Variants in RGL1 observed in about 807,000 individuals in gnomAD.
The protein encoded by RGL1 is ral guanine nucleotide dissociation stimulator-like 1.
A neutral mutation model predicts 95.2 loss-of-function variants in RGL1; 24 were observed. That is an observed-to-expected ratio of 0.25 (90% confidence interval 0.18 to 0.35). The LOEUF (loss-of-function observed/expected upper bound fraction) is 0.35. Among genes scored for constraint, RGL1 ranks in the 10% least tolerant of loss-of-function variants. The probability of loss-of-function intolerance (pLI) is 1.00; values close to 1 mark genes in which losing one functional copy is unlikely to be tolerated. For missense variants in RGL1, 715 were observed against 936.3 expected (o/e 0.76, Z 3.08); for synonymous variants, 329 against 344.9 (o/e 0.95, Z 0.51).
intron 1 of RGL1, among the ~76,000 whole-genome samples, chr1:183,714,102 A>T (rs1201187804): frequency 6.6e-6 from 1 of 152,062 alleles, no homozygotes; most frequent in Non-Finnish European, 1.5e-5. Flanking sequence ...CTACCCAAAG[A>T]TTTTTCACGC....
chr1:183,731,455 C>A (rs10752916), intron 1 of RGL1, among the ~76,000 whole-genome samples: 67,855 of 151,660 alleles, frequency 0.45, 16,461 homozygotes, highest in East Asian at 0.8. Flanking sequence ...GTAGAAGAAA[C>A]TGACTCTCAG....
chr1:183,704,272 G>A (rs1025474367), intron 1 of RGL1, among the ~76,000 whole-genome samples: 2 of 152,210 alleles, frequency 1.3e-5, no homozygotes, highest in African/African-American at 4.8e-5. Flanking sequence ...TGTATGACAG[G>A]AGTGTTTTTT....
intron 3 of RGL1, among the ~76,000 whole-genome samples, chr1:183,856,817 GA>G (rs1489126436): frequency 6.6e-6 from 1 of 152,118 alleles, no homozygotes; most frequent in East Asian, 1.9e-4. Flanking sequence ...TTATAATATA[GA>G]AAAGAGCATT....
intron 2 of RGL1, among the ~76,000 whole-genome samples, chr1:183,792,185 T>C (rs1356650527): frequency 3.9e-5 from 6 of 151,990 alleles, no homozygotes; most frequent in African/African-American, 1.4e-4. Context: ...TTTTTGTTTG[T>C]TTTGCTTTAC....
At chr1:183,866,396 AAG>A (rs1205202712) in intron 4 of RGL1, among the ~76,000 whole-genome samples, 1 of 152,230 alleles carries the variant, frequency 6.6e-6, no homozygotes, top group Non-Finnish European at 1.5e-5. Context: ...AAAAGTGAAG[AAG>A]AATGAAGCAG....
chr1:183,898,556 A>T (rs987467576), intron 10 of RGL1, among the ~76,000 whole-genome samples: 1 of 152,226 alleles, frequency 6.6e-6, no homozygotes, highest in African/African-American at 2.4e-5. Context: ...GACAAACTCT[A>T]AATATTCTGC....
intron 2 of RGL1, among the ~76,000 whole-genome samples, chr1:183,825,786 C>A (rs1002178117): frequency 6.6e-6 from 1 of 152,130 alleles, no homozygotes; most frequent in Non-Finnish European, 1.5e-5. Context: ...ACACTCATAG[C>A]AACAAAAACT....
At chr1:183,888,601 G>C (rs1275358937) in intron 8 of RGL1, 24 bp downstream of exon 8, 1 of 1,461,462 alleles carries the variant, frequency 6.8e-7, no homozygotes, top group African/African-American at 1.4e-5. Flanking sequence ...TGTTTGCTCT[G>C]CTTTTCTTTG....
intron 1 of RGL1, among the ~76,000 whole-genome samples, chr1:183,718,573 G>A (rs1356777774): frequency 6.6e-6 from 1 of 152,188 alleles, no homozygotes; most frequent in Non-Finnish European, 1.5e-5. Context: ...GGCTGCTTAA[G>A]TTGGAATCCT....
At chr1:183,783,747 C>A (rs572864875) in intron 2 of RGL1, among the ~76,000 whole-genome samples, 98 of 152,126 alleles carry the variant, frequency 6.4e-4, no homozygotes, top group Non-Finnish European at 1.1e-3. Context: ...TAATGGAAAC[C>A]CAGCTAATGA....
Position 183,928,004 on chromosome 1 carries a change from A to G in RGL1, c.*1712A>G, listed in dbSNP as rs774873236. The G allele has an allele frequency of 2.6e-5, 4 of 152,592 alleles. No homozygotes were observed. Among genetic ancestry groups the G allele is most frequent in the Non-Finnish European group, 4.4e-5 (3 of 68,022 alleles). The allele number at this position is 152,592 out of a possible 1,614,324, so 9.5% of individuals were successfully genotyped here. On this transcript the variant is annotated 3_prime_UTR_variant, in exon 18 of 18. Transcript: ENST00000360851. ...TCCAGGAGATTGGACTACACATTGT[A>G]AAGACTGACTGGGTTTCAACTAGTC...
intron 1 of RGL1, among the ~76,000 whole-genome samples, chr1:183,650,768 A>G (rs1054638784): frequency 3.3e-5 from 5 of 151,552 alleles, no homozygotes; most frequent in African/African-American, 7.3e-5. Context: ...AACATTGTCA[A>G]ATCGCTTCCT....
intron 1 of RGL1, chr1:183,646,752 A>T (rs143577074): frequency 1.3e-5 from 2 of 152,374 alleles, no homozygotes; most frequent in East Asian, 3.9e-4. Context: ...AGGATGGTGA[A>T]GCAGGCTTTC....
intron 2 of RGL1, among the ~76,000 whole-genome samples, chr1:183,841,276 G>A (rs1664040255): frequency 6.6e-6 from 1 of 152,062 alleles, no homozygotes; most frequent in African/African-American, 2.4e-5. Context: ...TAACAAATAG[G>A]TTTTTTTAGT....
chr1:183,884,560 T>C (rs1023802022), intron 6 of RGL1, among the ~76,000 whole-genome samples, 163 bp from the exon 7 acceptor site: 7 of 152,330 alleles, frequency 4.6e-5, no homozygotes, highest in African/African-American at 1.7e-4. Flanking sequence ...AGTATATTAA[T>C]TATTTACTTT....
intron 3 of RGL1, among the ~76,000 whole-genome samples, chr1:183,856,239 T>C (rs1327803257): frequency 6.6e-6 from 1 of 151,934 alleles, no homozygotes; most frequent in Non-Finnish European, 1.5e-5. Flanking sequence ...TGTTGATGAC[T>C]TCCTAGGCAA....
intron 2 of RGL1, among the ~76,000 whole-genome samples, chr1:183,822,262 A>G (rs1234860658): frequency 6.6e-6 from 1 of 152,226 alleles, no homozygotes; most frequent in Non-Finnish European, 1.5e-5. Flanking sequence ...CTAATGCTTC[A>G]GCTTTTTCTC....
intron 1 of RGL1, among the ~76,000 whole-genome samples, chr1:183,698,697 A>G (rs950097607): frequency 6.6e-6 from 1 of 152,270 alleles, no homozygotes; most frequent in Admixed American, 6.5e-5. Flanking sequence ...ATTATCCAAT[A>G]TAGTTTTAAG....
intron 2 of RGL1, among the ~76,000 whole-genome samples, chr1:183,782,721 T>A (rs1483033544): frequency 6.6e-6 from 1 of 152,206 alleles, no homozygotes; most frequent in Non-Finnish European, 1.5e-5. Context: ...AGGGATTTGG[T>A]GAGATTGCTG....
Sources: gnomAD v4.1 joint callset for allele counts (sites outside exome capture counted in the v4.1 genomes callset) on GRCh38, gnomAD v4.1.1 for gene constraint, MANE v1.5 for transcripts, NCBI Gene and HGNC (gene_info 2026-07-23, HGNC 2026-07-21) for gene names.